The following OXCT1 variants were observed in gnomAD, a reference collection of about 807,000 sequenced individuals.
The protein encoded by OXCT1 is succinyl-CoA:3-ketoacid coenzyme A transferase 1, mitochondrial.
In OXCT1, 27 loss-of-function variants were observed where a neutral mutation model predicts 69.6. That is an observed-to-expected ratio of 0.39 (90% confidence interval 0.29 to 0.54). OXCT1 has a LOEUF of 0.54. Among genes scored for constraint, OXCT1 ranks in the 20% least tolerant of loss-of-function variants. The pLI, the probability that OXCT1 is intolerant of heterozygous loss-of-function variation, is 0.72. For missense variants in OXCT1, 437 were observed against 650.2 expected, an observed-to-expected ratio of 0.67 and a Z score of 3.57; for synonymous variants, 202 against 217.8, an observed-to-expected ratio of 0.93 and a Z score of 0.64.
chr5:41,849,902 A>G (rs1035101943), intron 5 of OXCT1, 128 bp downstream of exon 5: 6 of 943,476 alleles, frequency 6.4e-6, no homozygotes, highest in African/African-American at 3.2e-5. Context: ...AATTTCACCT[A>G]TTTATGAAAA....
chr5:41,803,209 G>A (rs753251496), intron 9 of OXCT1, 46 bp from the exon 10 acceptor site: 47 of 1,267,832 alleles, frequency 3.7e-5, no homozygotes, highest in Non-Finnish European at 4.7e-5. Context: ...AGGTAGAGAA[G>A]TTATACCATA....
At chr5:41,813,598 A>C (rs570821997) in intron 7 of OXCT1, among the ~76,000 whole-genome samples, 13 of 152,186 alleles carry the variant, frequency 8.5e-5, no homozygotes, top group African/African-American at 2.9e-4. Flanking sequence ...GAAGATAAGG[A>C]AGTCAGCATT....
chr5:41,831,014 T>C lies in OXCT1; in HGVS notation c.732+9437A>G, dbSNP rs900357068. ...AAATCTACTGCATTCCCACCTTCTA[T>C]TGTAAAGTAAAACAACCAGCTTGAT... On this transcript the variant is annotated intron_variant, in intron 7 of 16. Coordinates refer to ENST00000196371, the MANE Select transcript of OXCT1 (RefSeq NM_000436.4). Among the ~76,000 whole-genome samples the C allele has an allele frequency of 2.0e-5, 3 of 152,198 alleles. No homozygotes were observed. In the East Asian group the frequency reaches 5.8e-4, roughly 29 times the overall value.
intron 15 of OXCT1, among the ~76,000 whole-genome samples, chr5:41,748,432 G>T (rs1743613023): frequency 6.6e-6 from 1 of 151,960 alleles, no homozygotes; most frequent in South Asian, 2.1e-4. Flanking sequence ...AACCAACAGG[G>T]TAAAAGATTG....
chr5:41,850,329 T>C (rs1216724120), intron 4 of OXCT1, 150 bp from the exon 5 acceptor site: 6 of 859,454 alleles, frequency 7.0e-6, no homozygotes, highest in Non-Finnish European at 9.2e-6. Flanking sequence ...TAATATTGTA[T>C]GCTAGAAGAT....
At chr5:41,794,835 T>C in intron 11 of OXCT1, 86 bp from the exon 12 acceptor site, 1 of 1,436,946 alleles carries the variant, frequency 7.0e-7, no homozygotes, top group Non-Finnish European at 9.7e-7. Context: ...TCTTCTCCAT[T>C]CCCAAAAGAA....
chr5:41,791,299 A>G lies in OXCT1; in HGVS notation c.1248+2704T>C, dbSNP rs149576015. Among the ~76,000 whole-genome samples the G allele has an allele frequency of 4.9e-3, 748 of 152,322 alleles. 8 individuals are homozygous for G. Among genetic ancestry groups the G allele is most frequent in the African/African-American group, 0.017 (701 of 41,572 alleles). On this transcript the variant is annotated intron_variant, in intron 13 of 16. Transcript: ENST00000196371. ...CAAAACAGTGGAACCAAACCCAGGA[A>G]CACTTCTTATGCTTAATTTTTCTCA...
chr5:41,765,146 T>A (rs1744536015), intron 13 of OXCT1, among the ~76,000 whole-genome samples: 1 of 152,142 alleles, frequency 6.6e-6, no homozygotes, highest in African/African-American at 2.4e-5. Context: ...CATCCTTCAC[T>A]CCAGCTTAGC....
At chr5:41,739,290 CA>C in intron 16 of OXCT1, 99 bp downstream of exon 16, 2 of 862,352 alleles carry the variant, frequency 2.3e-6, no homozygotes, top group South Asian at 2.7e-5. Flanking sequence ...AGGTCAACTC[CA>C]AAAATGATCA....
intron 1 of OXCT1, among the ~76,000 whole-genome samples, chr5:41,864,924 C>A (rs1229854684): frequency 6.6e-6 from 1 of 152,156 alleles, no homozygotes; most frequent in Non-Finnish European, 1.5e-5. Context: ...TTAAAGAGTT[C>A]ATCCACAGCT....
At chr5:41,850,002 G>A in intron 5 of OXCT1, 28 bp downstream of exon 5, 1 of 1,611,862 alleles carries the variant, frequency 6.2e-7, no homozygotes. Flanking sequence ...AGGGATCCTG[G>A]TATAATCTGG....
chr5:41,837,093 GA>G (rs1409538122), intron 7 of OXCT1, among the ~76,000 whole-genome samples: 3 of 152,062 alleles, frequency 2.0e-5, no homozygotes, highest in Non-Finnish European at 4.4e-5. Context: ...ACAAATTTAA[GA>G]TGCCTAAGGG....
At chr5:41,828,746 T>A (rs759173659) in intron 7 of OXCT1, among the ~76,000 whole-genome samples, 4 of 152,222 alleles carry the variant, frequency 2.6e-5, no homozygotes, top group Non-Finnish European at 5.9e-5. Context: ...ATTTCAGTTC[T>A]ATGTTGATCC....
intron 7 of OXCT1, among the ~76,000 whole-genome samples, chr5:41,808,772 G>C (rs1746811824): frequency 6.6e-6 from 1 of 152,066 alleles, no homozygotes; most frequent in African/African-American, 2.4e-5. Flanking sequence ...TGGAGGTGGG[G>C]AATGCAGAGC....
chr5:41,829,924 G>A (rs188423756), intron 7 of OXCT1, among the ~76,000 whole-genome samples: 111 of 152,188 alleles, frequency 7.3e-4, no homozygotes, highest in Middle Eastern at 6.8e-3. Flanking sequence ...TCAAGGAAAC[G>A]AATGAATTGT....
At chr5:41,853,843 C>A (rs1405429355) in intron 3 of OXCT1, among the ~76,000 whole-genome samples, 1 of 152,108 alleles carries the variant, frequency 6.6e-6, no homozygotes, top group African/African-American at 2.4e-5. Flanking sequence ...AATATTCACA[C>A]CCATGTCAAC....
chr5:41,739,214 A>G (rs1743036857), intron 16 of OXCT1, among the ~76,000 whole-genome samples, 176 bp downstream of exon 16: 1 of 152,154 alleles, frequency 6.6e-6, no homozygotes, highest in Non-Finnish European at 1.5e-5. Context: ...AGTGAGTCAG[A>G]GCACAGCTCT....
chr5:41,831,181 C>T (rs1298375415), intron 7 of OXCT1, among the ~76,000 whole-genome samples: 1 of 152,174 alleles, frequency 6.6e-6, no homozygotes, highest in African/African-American at 2.4e-5. Flanking sequence ...AGTTAATTCT[C>T]GTAAGACTCC....
Position 41,758,263 on chromosome 5 carries a change from AG to A in OXCT1, c.1338+3847del, listed in dbSNP as rs893061782. Among the ~76,000 whole-genome samples the A allele has an allele frequency of 9.2e-5, 14 of 152,216 alleles. No individual in the cohort carries two copies. In the South Asian group the frequency reaches 1.5e-3, roughly 16 times the overall value. On this transcript the variant is annotated intron_variant, in intron 14 of 16. Coordinates refer to ENST00000196371, the MANE Select transcript of OXCT1 (RefSeq NM_000436.4). ...TGGGCCAAATAAGCAGAACATATTTAGGGGGAATGATGATTTAGTTGGCAAA... is the reference window on the plus strand; with the variant it reads ...TGGGCCAAATAAGCAGAACATATTTAGGGGAATGATGATTTAGTTGGCAAA...
Sources: gnomAD v4.1 joint callset for allele counts (sites outside exome capture counted in the v4.1 genomes callset) on GRCh38, gnomAD v4.1.1 for gene constraint, MANE v1.5 for transcripts, NCBI Gene and HGNC (gene_info 2026-07-23, HGNC 2026-07-21) for gene names.